The following ITGA8 variants were observed in gnomAD, a reference collection of about 807,000 sequenced individuals.
ITGA8 encodes the protein integrin alpha-8.
Under a neutral mutation model 142.3 loss-of-function variants are expected in ITGA8, and 91 were observed. The observed-to-expected ratio is 0.64, with a 90% CI of 0.54 to 0.76. ITGA8 has a LOEUF of 0.76. ITGA8 is among the 30% of genes least tolerant of loss of function. ITGA8 has a pLI of 0.00. For synonymous variants in ITGA8, 505 were observed against 485.2 expected, an observed-to-expected ratio of 1.04 and a Z score of -0.54; for missense variants, 1,406 against 1,327.7, an observed-to-expected ratio of 1.06 and a Z score of -0.92.
At chr10:15,682,795 G>A (rs901883735) in intron 4 of ITGA8, among the ~76,000 whole-genome samples, 8 of 148,078 alleles carry the variant, frequency 5.4e-5, no homozygotes, top group Non-Finnish European at 1.2e-4. Flanking sequence ...AGGCTACATT[G>A]AGCCATGATC....
At chr10:15,587,896 C>G (rs993585573) in intron 22 of ITGA8, among the ~76,000 whole-genome samples, 2 of 152,148 alleles carry the variant, frequency 1.3e-5, no homozygotes, top group Non-Finnish European at 1.5e-5. Context: ...CACAAAGAGG[C>G]TCAACCAGTA....
chr10:15,682,191 C>A (rs1390674290), intron 4 of ITGA8, among the ~76,000 whole-genome samples: 1 of 152,142 alleles, frequency 6.6e-6, no homozygotes, highest in Non-Finnish European at 1.5e-5. Context: ...TTTTTTGTAG[C>A]ACTTTTCACT....
chr10:15,687,886 C>T, intron 3 of ITGA8, 52 bp downstream of exon 3: 3 of 1,044,814 alleles, frequency 2.9e-6, no homozygotes, highest in Non-Finnish European at 4.5e-6. Flanking sequence ...GAAAACATTC[C>T]AGTGCACACC....
At chr10:15,580,906 A>C (rs1834395904) in intron 23 of ITGA8, among the ~76,000 whole-genome samples, 1 of 152,206 alleles carries the variant, frequency 6.6e-6, no homozygotes, top group Non-Finnish European at 1.5e-5. Flanking sequence ...TTGATCATGC[A>C]CTGGTGGTTC....
At chr10:15,719,536 C>G in intron 1 of ITGA8, 27 bp downstream of exon 1, 1 of 1,519,864 alleles carries the variant, frequency 6.6e-7, no homozygotes, top group Non-Finnish European at 8.7e-7. Flanking sequence ...CGTCCCCGCG[C>G]GCACCTCCCC....
chr10:15,697,960 A>G (rs140961896), intron 2 of ITGA8, among the ~76,000 whole-genome samples: 2,921 of 152,228 alleles, frequency 0.019, 104 homozygotes, highest in African/African-American at 0.066. Flanking sequence ...GTTTGGTTAC[A>G]TGAGTAAGTT....
intron 13 of ITGA8, among the ~76,000 whole-genome samples, chr10:15,635,015 T>C (rs1051367281): frequency 6.8e-6 from 1 of 147,246 alleles, no homozygotes. Flanking sequence ...TTTTTTTTTT[T>C]TTTTTTTTTG....
intron 22 of ITGA8, among the ~76,000 whole-genome samples, chr10:15,591,405 ATATATTATAT>A (rs3041564): frequency 0.25 from 36,386 of 143,578 alleles, 5,390 homozygotes; most frequent in Non-Finnish European, 0.34. Flanking sequence ...CTGTATTAAT[ATATATTATAT>A]TATATTATAT....
intron 6 of ITGA8, among the ~76,000 whole-genome samples, chr10:15,674,240 A>G (rs1045469936): frequency 1.3e-5 from 2 of 152,206 alleles, no homozygotes; most frequent in African/African-American, 2.4e-5. Flanking sequence ...TTACAGCTAA[A>G]TACCCTCTTT....
intron 13 of ITGA8, among the ~76,000 whole-genome samples, chr10:15,621,876 A>G (rs1196714646): frequency 6.6e-6 from 1 of 152,042 alleles, no homozygotes; most frequent in Non-Finnish European, 1.5e-5. Flanking sequence ...AAAAAACAAC[A>G]GCTGGGCACG....
At chr10:15,656,017 C>T (rs912206659) in intron 10 of ITGA8, among the ~76,000 whole-genome samples, 3 of 151,892 alleles carry the variant, frequency 2.0e-5, no homozygotes, top group African/African-American at 7.3e-5. Context: ...CTGGGGAGGT[C>T]AAGGCTGCAG....
Position 15,562,615 on chromosome 10 carries a change from A to G in ITGA8, c.2638-4413T>C, listed in dbSNP as rs868263410. Among the ~76,000 whole-genome samples, 38 of 152,164 alleles carry G rather than the reference A, an allele frequency of 2.5e-4. 1 individual carries two copies. Among genetic ancestry groups the G allele is most frequent in the Middle Eastern group, 3.2e-3 (1 of 316 alleles). ...AATTTTCTTGAAGAGAACAAGTGAG[A>G]CCATCATAAAAACAGGAGATTGAAT... On this transcript the variant is annotated intron_variant, in intron 25 of 29. Transcript: ENST00000378076.
intron 27 of ITGA8, among the ~76,000 whole-genome samples, chr10:15,531,876 C>G (rs370495039): frequency 1.3e-5 from 2 of 152,002 alleles, no homozygotes; most frequent in African/African-American, 4.8e-5. Flanking sequence ...ACCTGGGGGG[C>G]GCAGGTTGCA....
intron 13 of ITGA8, among the ~76,000 whole-genome samples, chr10:15,621,827 A>C (rs1298561091): frequency 6.6e-6 from 1 of 152,114 alleles, no homozygotes; most frequent in Admixed American, 6.5e-5. Context: ...TGATGGTGCC[A>C]CTGCACTCCA....
intron 13 of ITGA8, among the ~76,000 whole-genome samples, chr10:15,625,993 G>A (rs1833574960): frequency 6.6e-6 from 1 of 152,188 alleles, no homozygotes; most frequent in South Asian, 2.1e-4. Context: ...TGTTCAAAAT[G>A]GTGGCTCCAT....
intron 13 of ITGA8, among the ~76,000 whole-genome samples, chr10:15,632,838 C>T (rs956791015): frequency 2.6e-5 from 4 of 152,046 alleles, no homozygotes; most frequent in African/African-American, 7.2e-5. Flanking sequence ...TCTCTTGAGA[C>T]GTGTGCACAG....
intron 2 of ITGA8, among the ~76,000 whole-genome samples, chr10:15,688,547 A>G (rs1194174483): frequency 2.6e-5 from 4 of 152,204 alleles, no homozygotes; most frequent in Non-Finnish European, 5.9e-5. Context: ...GCATTACAAG[A>G]AAAGAAAATT....
At chr10:15,587,788 G>C (rs192582639) in intron 22 of ITGA8, among the ~76,000 whole-genome samples, 1 of 151,998 alleles carries the variant, frequency 6.6e-6, no homozygotes, top group South Asian at 2.1e-4. Context: ...AGTTTGCTGG[G>C]GTTTTTTCTC....
At position 15,719,786 on chromosome 10, in the gene ITGA8, G is replaced by T; in HGVS notation, c.-15C>A. Reference sequence around the variant, plus strand: ...CCGGGCGACATCTCCCTCCGCCCCGGTGGGTGGCTGCTACCCAGGAGCGCG... The same window carrying T: ...CCGGGCGACATCTCCCTCCGCCCCGTTGGGTGGCTGCTACCCAGGAGCGCG... On this transcript the variant is annotated 5_prime_UTR_variant, in exon 1 of 30. Transcript: ENST00000378076. 5 of 1,345,912 alleles carry T rather than the reference G, an allele frequency of 3.7e-6. No homozygotes were observed. The South Asian group carries it at 9.7e-5, about 26-fold the overall frequency. The allele number at this position is 1,345,912 out of a possible 1,614,324, so 83.4% of individuals were successfully genotyped here. A position where few individuals can be genotyped will look rare whatever the true frequency, so the allele number is the denominator to read the frequency against.
Sources: gnomAD v4.1 joint callset for allele counts (sites outside exome capture counted in the v4.1 genomes callset) on GRCh38, gnomAD v4.1.1 for gene constraint, MANE v1.5 for transcripts, NCBI Gene and HGNC (gene_info 2026-07-23, HGNC 2026-07-21) for gene names.